CPSF4L: variants seen among roughly 807,000 people sequenced by gnomAD.
CPSF4L encodes putative cleavage and polyadenylation specificity factor subunit 4-like protein.
CPSF4L carries 18 observed loss-of-function variants against 24.0 expected under a neutral mutation model. The ratio of observed to expected loss-of-function variants is 0.75; its 90% CI spans 0.52 to 1.11. CPSF4L has a LOEUF of 1.11. CPSF4L is among the 50% of genes least tolerant of loss of function. The probability of loss-of-function intolerance (pLI) is 0.00; values close to 1 mark genes in which losing one functional copy is unlikely to be tolerated. For synonymous variants in CPSF4L, 72 were observed against 77.2 expected (o/e 0.93, Z 0.35); for missense variants, 211 against 221.8 (o/e 0.95, Z 0.31).
At chr17:73,263,038 C>T (rs994242958), upstream of CPSF4L, among the ~76,000 whole-genome samples, 6 of 152,222 alleles carry the variant, frequency 3.9e-5, no homozygotes, top group Admixed American at 1.3e-4. Flanking sequence ...AGGCCTCTGA[C>T]TGCATCCTGG....
intron 5 of CPSF4L, 193 bp from the exon 6 acceptor site, chr17:73,248,729 C>T (rs1294117561): frequency 1.7e-5 from 11 of 630,618 alleles, no homozygotes; most frequent in African/African-American, 5.4e-5. Context: ...GTAACTCACA[C>T]GTGGTCTGTG....
At position 73,261,865 on chromosome 17, in the gene CPSF4L, G is replaced by A. The variant is rs896930740; in HGVS notation, c.-47C>T. ...GCGGAAGCTGCTGGAACCCAGGCAG[G>A]TGGGCCCAATATAGCTCATCAGAGG... On this transcript the variant is annotated 5_prime_UTR_variant, in exon 1 of 6. Coordinates refer to ENST00000344935, the MANE Select transcript of CPSF4L (RefSeq NM_001129885.1). The A allele has an allele frequency of 2.1e-6, 3 of 1,432,460 alleles. No individual in the cohort carries two copies. Among genetic ancestry groups the A allele is most frequent in the Admixed American group, 3.9e-5 (2 of 50,824 alleles). 88.7% of individuals were successfully genotyped at this position (1,432,460 alleles called of 1,614,324 possible).
downstream of CPSF4L, among the ~76,000 whole-genome samples, chr17:73,244,224 T>G (rs1428020239): frequency 6.6e-5 from 10 of 152,300 alleles, no homozygotes; most frequent in South Asian, 2.1e-3. Context: ...ATATCAGCAT[T>G]TTTGTATAAT....
chr17:73,257,958 C>T (rs966138313), intron 2 of CPSF4L, 125 bp from the exon 3 acceptor site: 1 of 945,870 alleles, frequency 1.1e-6, no homozygotes. Flanking sequence ...CTTATCCCTT[C>T]ACCTGGACCC....
At chr17:73,263,201 C>T (rs764292789), upstream of CPSF4L, among the ~76,000 whole-genome samples, 10 of 152,226 alleles carry the variant, frequency 6.6e-5, no homozygotes, top group Non-Finnish European at 1.5e-4. Context: ...TAAAGGCTCA[C>T]AGAAGCCTGG....
chr17:73,248,739 G>A, intron 5 of CPSF4L: 1 of 556,294 alleles, frequency 1.8e-6, no homozygotes, highest in Non-Finnish European at 3.2e-6. Context: ...CGTGGTCTGT[G>A]TAAGTGGATT....
chr17:73,251,823 T>G (rs2062007124), intron 5 of CPSF4L, among the ~76,000 whole-genome samples: 1 of 152,240 alleles, frequency 6.6e-6, no homozygotes, highest in Admixed American at 6.5e-5. Flanking sequence ...ATAGAGTGTG[T>G]GTGTCTCTCC....
chr17:73,257,919 T>C (rs1017524827), intron 2 of CPSF4L, 86 bp from the exon 3 acceptor site: 3 of 1,402,052 alleles, frequency 2.1e-6, no homozygotes, highest in Non-Finnish European at 2.9e-6. Flanking sequence ...CCCAGGAGGG[T>C]ACCTGACTCA....
At chr17:73,262,669 C>T (rs2062051831), upstream of CPSF4L, among the ~76,000 whole-genome samples, 1 of 152,246 alleles carries the variant, frequency 6.6e-6, no homozygotes, top group South Asian at 2.1e-4. Context: ...TTCAAAGGAG[C>T]ATGTTAGGGC....
At chr17:73,249,070 T>G (rs1012505655) in intron 5 of CPSF4L, 1 of 152,990 alleles carries the variant, frequency 6.5e-6, no homozygotes, top group Non-Finnish European at 1.5e-5. Context: ...GTACTGTAAT[T>G]TAGGGATAAT....
intron 3 of CPSF4L, among the ~76,000 whole-genome samples, chr17:73,255,841 G>C (rs569308769): frequency 6.6e-6 from 1 of 152,140 alleles, no homozygotes; most frequent in East Asian, 1.9e-4. Context: ...GCACGTCTCT[G>C]CATTCCTGGC....
rs1442338197 is a variant in CPSF4L, at chr17:73,248,454, T to A, written c.*40A>T. On this transcript the variant is annotated 3_prime_UTR_variant, in exon 6 of 6. Coordinates refer to ENST00000344935, the MANE Select transcript of CPSF4L (RefSeq NM_001129885.1). ...GGGGTAAAAGTCGTGTTCTGCCCTG[T>A]CTGTGGCATTGGAGTGCCCCGCTAG... is the stretch of plus-strand genomic sequence containing the variant. 6.5e-7 allele frequency: 1 copy of A among 1,542,146 alleles called. No individual in the cohort carries two copies. Among genetic ancestry groups the A allele is most frequent in the Admixed American group, 2.0e-5 (1 of 50,966 alleles).
the CPSF4L span, chr17:73,242,970 G>A: frequency 1.5e-5 from 24 of 1,613,560 alleles, no homozygotes; most frequent in African/African-American, 2.7e-5. Context: ...AGGATACTTC[G>A]TCCTGTGTTG....
chr17:73,246,974 G>A (rs377303654), downstream of CPSF4L, among the ~76,000 whole-genome samples: 189 of 152,234 alleles, frequency 1.2e-3, no homozygotes, highest in South Asian at 7.3e-3. Flanking sequence ...AAGGTGAGAA[G>A]GTAGATGAGA....
intron 5 of CPSF4L, chr17:73,250,907 G>A (rs1025296361): frequency 3.2e-6 from 4 of 1,257,582 alleles, no homozygotes; most frequent in Non-Finnish European, 4.3e-6. Context: ...CCAGCTCCCT[G>A]ATCATTCCTT....
downstream of CPSF4L, chr17:73,247,321 T>A (rs371554145): frequency 9.3e-6 from 15 of 1,614,040 alleles, no homozygotes; most frequent in Non-Finnish European, 1.3e-5. Context: ...GGATTGCCGC[T>A]CTAAAACATG....
At chr17:73,250,022 T>C (rs1052851294) in intron 5 of CPSF4L, 3 of 445,342 alleles carry the variant, frequency 6.7e-6, no homozygotes, top group African/African-American at 2.0e-5. Context: ...TTTGCTCCCG[T>C]TTTATGGATA....
chr17:73,245,253 A>AATAC, downstream of CPSF4L: 1 of 1,601,322 alleles, frequency 6.2e-7, no homozygotes, highest in Non-Finnish European at 8.5e-7. Flanking sequence ...AGACGACTGC[A>AATAC]ATACATACTT....
rs973560010 is a variant in CPSF4L, at chr17:73,254,002, G to C, written c.332C>G (p.Ser111Cys). 4.5e-6 allele frequency: 7 copies of C among 1,551,422 alleles called. No individual in the cohort carries two copies. The highest frequency in any genetic ancestry group is 6.1e-6 in the Non-Finnish European group (7 of 1,146,848). ...GAAAGCTGGCTTCACATGGAGGAAG[G>C]AACACTCCTTGTTGCTGCAGTCACC... The part of the protein sequence containing the change: ...KFGDCSNKEC[S>C]FLHVKPAFKS... The change falls in exon 4 of 6, where the codon TCC becomes TGC. Residue 111 changes from serine to cysteine, a missense_variant. Transcript: ENST00000344935.
Sources: gnomAD v4.1 joint callset for allele counts (sites outside exome capture counted in the v4.1 genomes callset) on GRCh38, gnomAD v4.1.1 for gene constraint, MANE v1.5 for transcripts, NCBI Gene and HGNC (gene_info 2026-07-23, HGNC 2026-07-21) for gene names.